The following DLC1 variants were observed in gnomAD, a reference collection of about 807,000 sequenced individuals.
DLC1 encodes rho GTPase-activating protein 7.
DLC1 carries 54 observed loss-of-function variants against 140.3 expected under a neutral mutation model. The observed-to-expected ratio is 0.38, with a 90% confidence interval of 0.31 to 0.48. The LOEUF (loss-of-function observed/expected upper bound fraction) is 0.48, where lower values mean the gene tolerates loss of function less well. Among genes scored for constraint, DLC1 ranks in the 20% least tolerant of loss-of-function variants. The pLI is 0.96. For synonymous variants in DLC1, 986 were observed against 728.1 expected, an observed-to-expected ratio of 1.35 and a Z score of -5.70; for missense variants, 2,536 against 1,907.0, an observed-to-expected ratio of 1.33 and a Z score of -6.14.
chr8:13,294,956 A>C lies in DLC1; in HGVS notation c.1348+10313T>G, dbSNP rs113798850. Among the ~76,000 whole-genome samples, 615 of 152,340 alleles carry C rather than the reference A, an allele frequency of 4.0e-3. 4 individuals are homozygous for C. The highest frequency in any genetic ancestry group is 0.014 in the African/African-American group (597 of 41,572). Reference sequence around the variant, plus strand: ...AGTGCTTGGAAAAGTGCAGGCACAGAGTAAATTCTTGTTATTATTACCAAT... The same window carrying C: ...AGTGCTTGGAAAAGTGCAGGCACAGCGTAAATTCTTGTTATTATTACCAAT... On this transcript the variant is annotated intron_variant, in intron 5 of 17. Coordinates refer to ENST00000276297, the MANE Select transcript of DLC1 (RefSeq NM_182643.3).
chr8:13,084,329 C>T lies in DLC1; in HGVS notation c.*1482G>A, dbSNP rs1218944252. 6.6e-6 allele frequency: 1 copy of T among 152,384 alleles called. No individual in the cohort carries two copies. Among genetic ancestry groups the T allele is most frequent in the East Asian group, 1.9e-4 (1 of 5,188 alleles). The allele number at this position is 152,384 out of a possible 1,614,324, so 9.4% of individuals were successfully genotyped here. A position where few individuals can be genotyped will look rare whatever the true frequency, so the allele number is the denominator to read the frequency against. Reference sequence around the variant, plus strand: ...CCTGCCCCAAAATTCTTCAAAGAACCTTTGAAATAACACTGAAAATGGTAA... The same window carrying T: ...CCTGCCCCAAAATTCTTCAAAGAACTTTTGAAATAACACTGAAAATGGTAA... On this transcript the variant is annotated 3_prime_UTR_variant, in exon 18 of 18. Coordinates refer to ENST00000276297, the MANE Select transcript of DLC1 (RefSeq NM_182643.3).
At chr8:13,594,869 A>G (rs910006705) in intron 1 of DLC1, among the ~76,000 whole-genome samples, 3 of 151,964 alleles carry the variant, frequency 2.0e-5, no homozygotes, top group Non-Finnish European at 4.4e-5. Context: ...CAAGGCATGT[A>G]TAAGTTACAA....
intron 5 of DLC1, among the ~76,000 whole-genome samples, chr8:13,243,010 C>T (rs113581551): frequency 1.1e-3 from 174 of 152,022 alleles, no homozygotes; most frequent in African/African-American, 3.7e-3. Flanking sequence ...TGAGTGAGTT[C>T]TCATGAGGTC....
upstream of DLC1, among the ~76,000 whole-genome samples, chr8:13,515,267 A>AT (rs1585233448): frequency 6.6e-6 from 1 of 152,324 alleles, no homozygotes; most frequent in East Asian, 1.9e-4. Context: ...ATTCTTCTAA[A>AT]TGGCAAAACC....
At chr8:13,187,822 T>G (rs908849618) in intron 5 of DLC1, among the ~76,000 whole-genome samples, 6 of 152,210 alleles carry the variant, frequency 3.9e-5, no homozygotes, top group Admixed American at 2.0e-4. Context: ...TGGAATTCCC[T>G]GTGACTGCTC....
At chr8:13,280,892 G>A (rs1831342585) in intron 5 of DLC1, among the ~76,000 whole-genome samples, 1 of 152,166 alleles carries the variant, frequency 6.6e-6, no homozygotes, top group Non-Finnish European at 1.5e-5. Flanking sequence ...AACCCCATTG[G>A]TTAAGTCCTA....
At position 13,274,956 on chromosome 8, in the gene DLC1, C is replaced by G. The variant is rs376105039; in HGVS notation, c.1348+30313G>C. Among the ~76,000 whole-genome samples, 5 of 152,226 alleles carry G rather than the reference C, an allele frequency of 3.3e-5. No individual in the cohort carries two copies. The South Asian group carries it at 1.0e-3, about 32-fold the overall frequency. Reference sequence around the variant, plus strand: ...ATCTTAAACTTCTTCTGGTTAATTGCAAATGAGATCATACACCTTAAAGAG... The same window carrying G: ...ATCTTAAACTTCTTCTGGTTAATTGGAAATGAGATCATACACCTTAAAGAG... On this transcript the variant is annotated intron_variant, in intron 5 of 17. Transcript: ENST00000276297.
At chr8:13,452,735 C>G (rs1047690424) in intron 2 of DLC1, among the ~76,000 whole-genome samples, 2 of 152,026 alleles carry the variant, frequency 1.3e-5, no homozygotes, top group Admixed American at 1.3e-4. Context: ...CCAAACCATG[C>G]TGATCTCACT....
At chr8:13,337,526 T>C (rs1833856238) in intron 4 of DLC1, among the ~76,000 whole-genome samples, 1 of 152,150 alleles carries the variant, frequency 6.6e-6, no homozygotes, top group Non-Finnish European at 1.5e-5. Context: ...TCATGAATTG[T>C]AAATAGATGG....
chr8:13,248,776 G>C (rs915634106), intron 5 of DLC1, among the ~76,000 whole-genome samples: 1 of 152,054 alleles, frequency 6.6e-6, no homozygotes, highest in Non-Finnish European at 1.5e-5. Flanking sequence ...TCTTGAACAC[G>C]CATTCTCCAT....
intron 2 of DLC1, among the ~76,000 whole-genome samples, chr8:13,429,419 A>T (rs1282257996): frequency 6.7e-6 from 1 of 149,566 alleles, no homozygotes; most frequent in Non-Finnish European, 1.5e-5. Flanking sequence ...TAAATTTGGG[A>T]TAAAGTCTAG....
At chr8:13,190,634 T>C (rs1826694183) in intron 5 of DLC1, among the ~76,000 whole-genome samples, 1 of 152,104 alleles carries the variant, frequency 6.6e-6, no homozygotes, top group South Asian at 2.1e-4. Flanking sequence ...AAAACTAACT[T>C]AAGATGCAGT....
At chr8:13,268,830 C>G (rs1325848869) in intron 5 of DLC1, among the ~76,000 whole-genome samples, 1 of 150,918 alleles carries the variant, frequency 6.6e-6, no homozygotes, top group Admixed American at 6.6e-5. Flanking sequence ...TGTTTCTCAA[C>G]CTTTGTACTC....
At chr8:13,429,384 A>T (rs1172675057) in intron 2 of DLC1, among the ~76,000 whole-genome samples, 1 of 152,234 alleles carries the variant, frequency 6.6e-6, no homozygotes, top group East Asian at 1.9e-4. Context: ...GTATCTGGCC[A>T]CTATCCCCAT....
At chr8:13,288,826 A>C (rs1831641613) in intron 5 of DLC1, among the ~76,000 whole-genome samples, 1 of 152,210 alleles carries the variant, frequency 6.6e-6, no homozygotes, top group Non-Finnish European at 1.5e-5. Context: ...GTGTGGGCTG[A>C]CATTTGGGAG....
chr8:13,118,069 T>G (rs12678361), intron 5 of DLC1, among the ~76,000 whole-genome samples: 107,817 of 147,646 alleles, frequency 0.73, 41,347 homozygotes, highest in East Asian at 0.9. Flanking sequence ...AAGGGCAGTG[T>G]TATGATCCTA....
chr8:13,471,560 A>G (rs1487221262), intron 2 of DLC1, among the ~76,000 whole-genome samples: 1 of 151,746 alleles, frequency 6.6e-6, no homozygotes, highest in Non-Finnish European at 1.5e-5. Context: ...AAATAGAAAG[A>G]GAAGGAAAAA....
At chr8:13,086,509 G>T in intron 16 of DLC1, 46 bp from the exon 17 acceptor site, 12 of 1,598,084 alleles carry the variant, frequency 7.5e-6, no homozygotes, top group Non-Finnish European at 1.0e-5. Flanking sequence ...TTTCATAGAA[G>T]CCAAGTTTAA....
chr8:13,202,467 A>G (rs909326907), intron 5 of DLC1, among the ~76,000 whole-genome samples: 3 of 152,222 alleles, frequency 2.0e-5, no homozygotes, highest in African/African-American at 7.2e-5. Flanking sequence ...AGGCCAATGA[A>G]CTGGGTCTTT....
Sources: gnomAD v4.1 joint callset for allele counts (sites outside exome capture counted in the v4.1 genomes callset) on GRCh38, gnomAD v4.1.1 for gene constraint, MANE v1.5 for transcripts, NCBI Gene and HGNC (gene_info 2026-07-23, HGNC 2026-07-21) for gene names.